The following PARD3 variants were observed in gnomAD, a reference collection of about 807,000 sequenced individuals.
The protein encoded by PARD3 is partitioning defective 3 homolog.
PARD3 carries 75 observed loss-of-function variants against 155.4 expected under a neutral mutation model. The observed-to-expected ratio is 0.48, with a 90% CI of 0.40 to 0.58. PARD3 has a LOEUF of 0.58. Ranked by LOEUF, PARD3 falls within the 20% of genes least tolerant of loss-of-function variation. PARD3 has a pLI of 0.00. For synonymous variants in PARD3, 576 were observed against 610.5 expected (o/e 0.94, Z 0.83); for missense variants, 1,642 against 1,721.7 (o/e 0.95, Z 0.82).
intron 22 of PARD3, among the ~76,000 whole-genome samples, chr10:34,224,029 G>A (rs2133497384): frequency 6.6e-6 from 1 of 152,314 alleles, no homozygotes; most frequent in East Asian, 1.9e-4. Context: ...CTTAAACCTT[G>A]AGGGTGTACT....
rs78031734 is a variant in PARD3 at position 34,574,309 on chromosome 10, T to G, written c.223-57150A>C. Among the ~76,000 whole-genome samples, 454 of 152,310 alleles carry G rather than the reference T, an allele frequency of 3.0e-3. 4 individuals carry two copies. The highest frequency in any genetic ancestry group is 8.5e-3 in the African/African-American group (353 of 41,570). The stretch of plus-strand genomic sequence containing the variant: ...TGCCAATCCTTCCCAAACTCCTCCC[T>G]TGAATTCACAGTTTCACTGACAGAC... On this transcript the variant is annotated intron_variant, in intron 2 of 24. Coordinates refer to ENST00000374788, the MANE Select transcript of PARD3 (RefSeq NM_001184785.2).
At chr10:34,133,742 G>C (rs919334778) in intron 22 of PARD3, among the ~76,000 whole-genome samples, 1 of 152,118 alleles carries the variant, frequency 6.6e-6, no homozygotes, top group African/African-American at 2.4e-5. Flanking sequence ...CACATATTTT[G>C]AAGAATCTCA....
intron 4 of PARD3, among the ~76,000 whole-genome samples, chr10:34,463,733 G>A (rs1199920390): frequency 1.3e-5 from 2 of 152,228 alleles, no homozygotes; most frequent in South Asian, 2.1e-4. Context: ...CCATAACAAC[G>A]TCAATGGACC....
At chr10:34,421,550 G>C (rs1184644140) in intron 5 of PARD3, among the ~76,000 whole-genome samples, 1 of 151,910 alleles carries the variant, frequency 6.6e-6, no homozygotes, top group Non-Finnish European at 1.5e-5. Flanking sequence ...GGTCCGGTCT[G>C]TTAAAGTGAA....
At chr10:34,703,346 G>A (rs1262362766) in intron 1 of PARD3, among the ~76,000 whole-genome samples, 2 of 151,932 alleles carry the variant, frequency 1.3e-5, no homozygotes, top group Non-Finnish European at 2.9e-5. Context: ...TTACGACTGG[G>A]CCACTGCACT....
chr10:34,302,111 TTA>T (rs1382662959), intron 20 of PARD3, among the ~76,000 whole-genome samples: 4 of 152,132 alleles, frequency 2.6e-5, no homozygotes, highest in Admixed American at 6.5e-5. Flanking sequence ...ATCGAGTCAT[TTA>T]TGAGAGGCCA....
chr10:34,697,519 G>C (rs2094196967), intron 1 of PARD3, among the ~76,000 whole-genome samples: 1 of 152,092 alleles, frequency 6.6e-6, no homozygotes, highest in African/African-American at 2.4e-5. Flanking sequence ...AGCTCTCCAA[G>C]TCCATCTCTA....
intron 3 of PARD3, among the ~76,000 whole-genome samples, chr10:34,507,146 C>G (rs2081120460): frequency 6.6e-6 from 1 of 152,124 alleles, no homozygotes; most frequent in African/African-American, 2.4e-5. Flanking sequence ...TTTTTAAATG[C>G]CAATACAGCT....
intron 2 of PARD3, among the ~76,000 whole-genome samples, chr10:34,664,554 C>T (rs1346172498): frequency 6.6e-6 from 1 of 152,124 alleles, no homozygotes; most frequent in Non-Finnish European, 1.5e-5. Flanking sequence ...GGTGGTATCT[C>T]AGCTCACAGC....
At chr10:34,436,157 T>A (rs1056076435) in intron 5 of PARD3, among the ~76,000 whole-genome samples, 4 of 152,194 alleles carry the variant, frequency 2.6e-5, no homozygotes, top group African/African-American at 9.7e-5. Flanking sequence ...CATTTCAGAG[T>A]GACTGACATC....
intron 22 of PARD3, among the ~76,000 whole-genome samples, chr10:34,190,012 A>T (rs1950638424): frequency 6.6e-6 from 1 of 152,168 alleles, no homozygotes; most frequent in Non-Finnish European, 1.5e-5. Flanking sequence ...GAGGATTTGC[A>T]TAACTCAGTG....
chr10:34,729,888 T>C (rs2094787021), intron 1 of PARD3, among the ~76,000 whole-genome samples: 1 of 152,066 alleles, frequency 6.6e-6, no homozygotes, highest in African/African-American at 2.4e-5. Flanking sequence ...TTTAAACGGA[T>C]TGGAAAGAGA....
At chr10:34,715,854 C>T (rs910565402) in intron 1 of PARD3, among the ~76,000 whole-genome samples, 6 of 152,188 alleles carry the variant, frequency 3.9e-5, no homozygotes, top group African/African-American at 1.4e-4. Context: ...TAAACATAGC[C>T]CTCACACCAC....
intron 1 of PARD3, among the ~76,000 whole-genome samples, chr10:34,806,440 C>A (rs546778356): frequency 1.9e-4 from 29 of 152,130 alleles, no homozygotes; most frequent in Non-Finnish European, 3.1e-4. Context: ...CCACCCACCT[C>A]GGCCTCCCAA....
intron 20 of PARD3, among the ~76,000 whole-genome samples, chr10:34,293,972 C>A (rs2133982078): frequency 6.6e-6 from 1 of 152,220 alleles, no homozygotes; most frequent in East Asian, 1.9e-4. Flanking sequence ...GAAGGCAGTC[C>A]CCATAAGAAA....
chr10:34,351,292 G>A (rs375132173), intron 14 of PARD3, among the ~76,000 whole-genome samples: 137 of 152,172 alleles, frequency 9.0e-4, no homozygotes, highest in African/African-American at 3.1e-3. Flanking sequence ...AATGCCTAGC[G>A]TAGAGCAGGC....
At chr10:34,314,380 C>G (rs1452980152) in intron 20 of PARD3, among the ~76,000 whole-genome samples, 1 of 152,146 alleles carries the variant, frequency 6.6e-6, no homozygotes, top group Non-Finnish European at 1.5e-5. Flanking sequence ...CAAGAGCCAA[C>G]ATTCAATAAC....
At position 34,450,385 on chromosome 10, in the gene PARD3, C is replaced by G; in HGVS notation, c.646G>C (p.Asp216His). ...GCACTCAGAGACGAGCGAGCATTGT[C>G]TCTCTGAAATTGGTTAGACCAGTTA... ...TSNWSNQFQR[D>H]NARSSLSASH... The change falls in exon 5 of 25, where the codon GAC becomes CAC. Residue 216 changes from aspartate to histidine, a missense_variant. This residue lies in a region of PARD3 where 1,529 missense variants were observed against 1,587.3 expected (regional missense o/e 0.96). Transcript: ENST00000374788. The G allele has an allele frequency of 1.2e-6, 2 of 1,613,870 alleles. No individual in the cohort carries two copies. The highest frequency in any genetic ancestry group is 1.7e-6 in the Non-Finnish European group (2 of 1,179,816).
rs569096751 is a variant in PARD3 at position 34,539,739 on chromosome 10, T to C, written c.223-22580A>G. Among the ~76,000 whole-genome samples, 9 of 152,114 alleles carry C rather than the reference T, an allele frequency of 5.9e-5. No homozygotes were observed. The South Asian group carries it at 1.7e-3, about 28-fold the overall frequency. ...GCCTTGGATTGTCCTAGGTCTGCTG[T>C]ATCTACACAGTGGAAACACTATGTA... On this transcript the variant is annotated intron_variant, in intron 2 of 24. Coordinates refer to ENST00000374788, the MANE Select transcript of PARD3 (RefSeq NM_001184785.2).
Sources: gnomAD v4.1 joint callset for allele counts (sites outside exome capture counted in the v4.1 genomes callset) on GRCh38, gnomAD v4.1.1 for gene constraint, gnomAD v4.1.1 regional missense constraint, MANE v1.5 for transcripts, NCBI Gene and HGNC (gene_info 2026-07-23, HGNC 2026-07-21) for gene names.